The following TMEM135 variants were observed in gnomAD, a reference collection of about 807,000 sequenced individuals.
The protein encoded by TMEM135 is transmembrane protein 135.
A neutral mutation model predicts 60.3 loss-of-function variants in TMEM135; 30 were observed. The ratio of observed to expected loss-of-function variants is 0.50; its 90% CI spans 0.37 to 0.68. The LOEUF (loss-of-function observed/expected upper bound fraction) is 0.68, where lower values mean the gene tolerates loss of function less well. Ranked by LOEUF, TMEM135 falls within the 30% of genes least tolerant of loss-of-function variation. TMEM135 has a pLI of 0.00. For synonymous variants in TMEM135, 190 were observed against 186.7 expected (o/e 1.02, Z -0.14); for missense variants, 468 against 548.8 (o/e 0.85, Z 1.47).
chr11:87,279,881 C>G (rs1489365407), intron 6 of TMEM135, among the ~76,000 whole-genome samples: 1 of 152,160 alleles, frequency 6.6e-6, no homozygotes, highest in African/African-American at 2.4e-5. Context: ...CAGAGACAGC[C>G]TGGATGAATG....
At chr11:87,248,076 A>G (rs1392939193) in intron 6 of TMEM135, among the ~76,000 whole-genome samples, 7 of 151,790 alleles carry the variant, frequency 4.6e-5, no homozygotes, top group East Asian at 1.9e-4. Flanking sequence ...AGTGTGTACT[A>G]TATTTTGTTT....
intron 5 of TMEM135, among the ~76,000 whole-genome samples, chr11:87,213,484 A>G (rs868148412): frequency 9.2e-5 from 14 of 152,326 alleles, no homozygotes; most frequent in Non-Finnish European, 1.0e-4. Flanking sequence ...GTGAGGGAGC[A>G]CAGTTAGAGC....
At chr11:87,152,750 T>TTTGAGTCTTCCCTGCTGTATCCTTTTC (rs1245400891) in intron 4 of TMEM135, among the ~76,000 whole-genome samples, 1 of 152,238 alleles carries the variant, frequency 6.6e-6, no homozygotes, top group Non-Finnish European at 1.5e-5. Flanking sequence ...TTATGTTATT[T>TTTGAGTCTTCCCTGCTGTATCCTTTTC]TTGAGTCTTC....
intron 4 of TMEM135, among the ~76,000 whole-genome samples, chr11:87,130,281 G>A (rs190608572): frequency 6.6e-6 from 1 of 151,936 alleles, no homozygotes; most frequent in Admixed American, 6.6e-5. Context: ...TGTTTCATTT[G>A]TGTTTTGCTT....
chr11:87,190,921 A>G (rs1939783807), intron 5 of TMEM135, among the ~76,000 whole-genome samples: 1 of 152,224 alleles, frequency 6.6e-6, no homozygotes, highest in African/African-American at 2.4e-5. Context: ...TTGCATATCA[A>G]CATAACCACT....
chr11:87,259,508 G>T (rs530902811), intron 6 of TMEM135, among the ~76,000 whole-genome samples: 1 of 152,180 alleles, frequency 6.6e-6, no homozygotes, highest in South Asian at 2.1e-4. Flanking sequence ...AATTAGCATA[G>T]ATAGCACAAA....
intron 3 of TMEM135, among the ~76,000 whole-genome samples, chr11:87,079,719 C>T (rs769231309): frequency 1.2e-4 from 18 of 151,228 alleles, no homozygotes; most frequent in African/African-American, 2.2e-4. Context: ...AGGGTTAGGA[C>T]GTTTACATTC....
intron 6 of TMEM135, among the ~76,000 whole-genome samples, chr11:87,292,012 C>T (rs1056472938): frequency 1.3e-5 from 2 of 152,178 alleles, no homozygotes; most frequent in Non-Finnish European, 2.9e-5. Flanking sequence ...CTATTTTGCT[C>T]CAGCTACAGT....
chr11:87,174,206 A>T (rs1302809382), intron 5 of TMEM135, among the ~76,000 whole-genome samples: 1 of 152,140 alleles, frequency 6.6e-6, no homozygotes, highest in Non-Finnish European at 1.5e-5. Flanking sequence ...GTCAAAGAAA[A>T]TTGGATTATC....
At chr11:87,200,219 A>G (rs2135329360) in intron 5 of TMEM135, among the ~76,000 whole-genome samples, 1 of 152,288 alleles carries the variant, frequency 6.6e-6, no homozygotes, top group South Asian at 2.1e-4. Context: ...TTACTCACCT[A>G]AATAGTTGTA....
chr11:87,292,398 A>G lies in TMEM135; in HGVS notation c.510-3384A>G, dbSNP rs368683239. On this transcript the variant is annotated intron_variant, in intron 6 of 14. Transcript: ENST00000305494. ...TTAGAACCTAAGGCAGTGCTTATAC[A>G]TAGTGGCCATTTAGTTAATATTTAT... 6.9e-4 allele frequency among the ~76,000 whole-genome samples: 105 copies of G among 152,314 alleles called. 1 individual carries two copies. The South Asian group carries it at 0.022, about 31-fold the overall frequency.
intron 3 of TMEM135, among the ~76,000 whole-genome samples, chr11:87,087,133 G>T (rs547396028): frequency 3.4e-4 from 51 of 152,212 alleles, no homozygotes; most frequent in African/African-American, 1.2e-3. Flanking sequence ...GACAAACCAG[G>T]ATATTAGAAG....
rs550197611 is a variant in TMEM135 at position 87,269,018 on chromosome 11, G to A, written c.510-26764G>A. Among the ~76,000 whole-genome samples, 5 of 149,378 alleles carry A rather than the reference G, an allele frequency of 3.3e-5. No homozygotes were observed. In the East Asian group the frequency reaches 9.8e-4, roughly 29 times the overall value. On this transcript the variant is annotated intron_variant, in intron 6 of 14. Transcript: ENST00000305494. Reference sequence around the variant, plus strand: ...ATAACAATTTATGCTTAAACTTGTTGTAGAGGTAGGATTATAGATTTTCAA... The same window carrying A: ...ATAACAATTTATGCTTAAACTTGTTATAGAGGTAGGATTATAGATTTTCAA...
intron 5 of TMEM135, among the ~76,000 whole-genome samples, chr11:87,188,618 C>T (rs1319935868): frequency 3.3e-5 from 5 of 151,678 alleles, no homozygotes; most frequent in South Asian, 2.1e-4. Context: ...GCAGGAGAAT[C>T]GCTAGAAGCC....
At chr11:87,134,738 G>A (rs2135237173) in intron 4 of TMEM135, among the ~76,000 whole-genome samples, 1 of 152,268 alleles carries the variant, frequency 6.6e-6, no homozygotes, top group South Asian at 2.1e-4. Flanking sequence ...CTCCCACTTT[G>A]TCCTTTTGAG....
At position 87,046,026 on chromosome 11, in the gene TMEM135, C is replaced by T. The variant is rs1949792607; in HGVS notation, c.141+7840C>T. 2.6e-5 allele frequency among the ~76,000 whole-genome samples: 4 copies of T among 152,176 alleles called. No homozygotes were observed. The South Asian group carries it at 8.3e-4, about 31-fold the overall frequency. On this transcript the variant is annotated intron_variant, in intron 1 of 14. Coordinates refer to ENST00000305494, the MANE Select transcript of TMEM135 (RefSeq NM_022918.4). ...TAGGAGGGGAGATTAGGCACATATACTCCTGTAATGCAAATTCATTGAGAT... is the reference window on the plus strand; with the variant it reads ...TAGGAGGGGAGATTAGGCACATATATTCCTGTAATGCAAATTCATTGAGAT...
chr11:87,167,294 T>C (rs569167120), intron 5 of TMEM135, among the ~76,000 whole-genome samples: 3 of 152,316 alleles, frequency 2.0e-5, no homozygotes, highest in Non-Finnish European at 2.9e-5. Context: ...GAGTACGCTT[T>C]ATTTCTTTCT....
chr11:87,208,652 T>G (rs746233362), intron 5 of TMEM135, among the ~76,000 whole-genome samples: 3 of 152,198 alleles, frequency 2.0e-5, no homozygotes, highest in Non-Finnish European at 4.4e-5. Context: ...TCAGGATATA[T>G]TTCATGAAAA....
chr11:87,266,820 A>G (rs888358262), intron 6 of TMEM135, among the ~76,000 whole-genome samples: 2 of 152,178 alleles, frequency 1.3e-5, no homozygotes, highest in East Asian at 3.9e-4. Context: ...TTTTGTATAG[A>G]TCAGACTAAA....
Sources: allele counts gnomAD v4.1 joint callset (sites outside exome capture counted in the v4.1 genomes callset), GRCh38; gene constraint gnomAD v4.1.1; transcripts MANE v1.5; gene names NCBI Gene and HGNC (gene_info 2026-07-23, HGNC 2026-07-21).